Variants in DNAAF4 observed in about 807,000 individuals in gnomAD.
DNAAF4 encodes the protein dynein axonemal assembly factor 4.
In DNAAF4, 43 loss-of-function variants were observed where a neutral mutation model predicts 51.8. The ratio of observed to expected loss-of-function variants is 0.83; its 90% CI spans 0.65 to 1.07. The LOEUF is 1.07. DNAAF4 is among the 50% of genes least tolerant of loss of function. The pLI is 0.00. For missense variants in DNAAF4, 581 were observed against 493.0 expected (o/e 1.18, Z -1.69); for synonymous variants, 194 against 165.6 (o/e 1.17, Z -1.32).
At chr15:55,476,191 G>GAGGT (rs2141540672) in intron 4 of DNAAF4, among the ~76,000 whole-genome samples, 1 of 152,272 alleles carries the variant, frequency 6.6e-6, no homozygotes, top group South Asian at 2.1e-4. Context: ...AGGGCATGGG[G>GAGGT]AGGTGGCTCG....
chr15:55,439,515 T>C lies in DNAAF4; in HGVS notation c.850A>G (p.Lys284Glu), dbSNP rs1189322801. Residue 284 changes from lysine (K) to glutamate (E), a missense_variant, in exon 7 of 10, where the codon AAA becomes GAA. By Grantham distance (56) the Lys-to-Glu change is moderately conservative. Coordinates refer to ENST00000321149, the MANE Select transcript of DNAAF4 (RefSeq NM_130810.4). Reference sequence around the variant, plus strand: ...CATTCTGGGTTCTTTTCTTCTTCTTTTAAATCGCAAAGTTCAGCTATGTCA... The same window carrying C: ...CATTCTGGGTTCTTTTCTTCTTCTTCTAAATCGCAAAGTTCAGCTATGTCA... Reference protein sequence around the residue: ...NTDIAELCDLKEEEKNPEWLK... With the variant: ...NTDIAELCDLEEEEKNPEWLK... 1.9e-6 allele frequency: 3 copies of C among 1,614,042 alleles called. No individual in the cohort carries two copies. The highest frequency in any genetic ancestry group is 1.7e-5 in the Admixed American group (1 of 60,002).
rs777201134 is a variant in DNAAF4 at position 55,435,062 on chromosome 15, A to G, written c.894-4T>C. ...GTTTTCCGTTGCAAACAATTTGCTAATGAGACAAAAACAGAGAAGAAAAAC... is the reference window on the plus strand; with the variant it reads ...GTTTTCCGTTGCAAACAATTTGCTAGTGAGACAAAAACAGAGAAGAAAAAC... On this transcript the variant is annotated splice_polypyrimidine_tract_variant and splice_region_variant and intron_variant, in intron 7 of 9. Transcript: ENST00000321149. 23 of 1,583,488 alleles carry G rather than the reference A, an allele frequency of 1.5e-5. No individual in the cohort carries two copies. The South Asian group carries it at 2.6e-4, about 18-fold the overall frequency.
chr15:55,440,532 C>T (rs1405190116), intron 6 of DNAAF4, among the ~76,000 whole-genome samples: 1 of 151,686 alleles, frequency 6.6e-6, no homozygotes, highest in Non-Finnish European at 1.5e-5. Context: ...GCACCCACCA[C>T]CACACCCAGC....
At chr15:55,486,538 C>G (rs1386153284) in intron 4 of DNAAF4, among the ~76,000 whole-genome samples, 1 of 152,056 alleles carries the variant, frequency 6.6e-6, no homozygotes, top group East Asian at 1.9e-4. Flanking sequence ...CTTTAATTAT[C>G]TGTGTGCTTA....
intron 5 of DNAAF4, among the ~76,000 whole-genome samples, chr15:55,460,187 A>AT (rs112655143): frequency 0.034 from 5,018 of 145,616 alleles, 219 homozygotes; most frequent in African/African-American, 0.091. Context: ...TTATTTATTT[A>AT]TTTTTTTTTT....
intron 4 of DNAAF4, among the ~76,000 whole-genome samples, chr15:55,478,836 A>T (rs1231521283): frequency 6.6e-6 from 1 of 152,146 alleles, no homozygotes; most frequent in Non-Finnish European, 1.5e-5. Context: ...ATGCACACAG[A>T]ACTAAAATTC....
At chr15:55,490,973 A>G in intron 4 of DNAAF4, 150 bp downstream of exon 4, 1 of 859,114 alleles carries the variant, frequency 1.2e-6, no homozygotes, top group South Asian at 2.2e-5. Flanking sequence ...AAAAACACAC[A>G]TATAAATAGC....
intron 4 of DNAAF4, among the ~76,000 whole-genome samples, chr15:55,484,831 A>G (rs2058464898): frequency 6.6e-6 from 1 of 152,150 alleles, no homozygotes; most frequent in South Asian, 2.1e-4. Context: ...CTGGGAGGCT[A>G]GGCCAGTCTC....
chr15:55,420,768 C>G (rs1182479254), intron 7 of DNAAF4, among the ~76,000 whole-genome samples: 1 of 152,132 alleles, frequency 6.6e-6, no homozygotes, highest in Non-Finnish European at 1.5e-5. Flanking sequence ...AACCATTTTC[C>G]CCCTTCACTG....
At position 55,482,752 on chromosome 15, in the gene DNAAF4, T is replaced by C. The variant is rs887894839; in HGVS notation, c.405+8371A>G. ...TACATGAATGGTCATAGTAGTACTA[T>C]TTGTAATAGCCAAAAGGTGAAGAGA... On this transcript the variant is annotated intron_variant, in intron 4 of 9. Transcript: ENST00000321149. 5.3e-5 allele frequency among the ~76,000 whole-genome samples: 8 copies of C among 152,286 alleles called. 1 individual carries two copies. Among genetic ancestry groups the C allele is most frequent in the African/African-American group, 1.9e-4 (8 of 41,570 alleles).
intron 6 of DNAAF4, among the ~76,000 whole-genome samples, chr15:55,444,309 C>T (rs2141436773): frequency 6.6e-6 from 1 of 152,220 alleles, no homozygotes; most frequent in Admixed American, 6.5e-5. Flanking sequence ...GAATCCTTTC[C>T]CCATTTCTTG....
intron 4 of DNAAF4, among the ~76,000 whole-genome samples, chr15:55,490,698 A>G (rs1311173255): frequency 1.3e-5 from 2 of 152,186 alleles, no homozygotes; most frequent in Non-Finnish European, 2.9e-5. Flanking sequence ...TCACGCCTCT[A>G]ATCCCAGCAC....
At chr15:55,483,935 T>C (rs184990770) in intron 4 of DNAAF4, among the ~76,000 whole-genome samples, 7 of 143,852 alleles carry the variant, frequency 4.9e-5, no homozygotes, top group African/African-American at 1.8e-4. Flanking sequence ...ATAAATGTTA[T>C]ACTTACCAAT....
At chr15:55,488,829 C>G (rs2058528669) in intron 4 of DNAAF4, among the ~76,000 whole-genome samples, 1 of 152,168 alleles carries the variant, frequency 6.6e-6, no homozygotes, top group Non-Finnish European at 1.5e-5. Context: ...CAGCTCACAC[C>G]TGTAATCCCA....
At chr15:55,449,281 C>T (rs913016352) in intron 6 of DNAAF4, among the ~76,000 whole-genome samples, 5 of 151,532 alleles carry the variant, frequency 3.3e-5, no homozygotes, top group Non-Finnish European at 5.9e-5. Context: ...TGAGCCACCA[C>T]GCCCGGCTTG....
rs1490835099 is a variant in DNAAF4, at chr15:55,467,027, T to C, written c.540A>G (p.Lys180=). ...TAATTTGCTTTTCTTTTTGACATAA[T>C]TTCTCTTCTCTCTGAATTTTTTTTT... ...EEQKKIQREE[K]LCQKEKQIKE... The change falls in exon 5 of 10, where the codon AAA becomes AAG. Residue 180 remains lysine, a synonymous_variant. Transcript: ENST00000321149. 5 of 1,569,410 alleles carry C rather than the reference T, an allele frequency of 3.2e-6. No individual in the cohort carries two copies. The highest frequency in any genetic ancestry group is 4.7e-5 in the East Asian group (2 of 42,406).
chr15:55,445,069 T>C (rs1042672644), intron 6 of DNAAF4, among the ~76,000 whole-genome samples: 4 of 146,334 alleles, frequency 2.7e-5, no homozygotes, highest in African/African-American at 1.0e-4. Flanking sequence ...TTATTGATCA[T>C]TCTTGGGTGT....
intron 6 of DNAAF4, chr15:55,443,334 G>A (rs988416613): frequency 2.0e-6 from 2 of 978,902 alleles, no homozygotes; most frequent in Admixed American, 5.1e-5. Context: ...GCGTGCGGAG[G>A]CGCCTGGCGC....
At position 55,473,231 on chromosome 15, in the gene DNAAF4, G is replaced by A. The variant is rs55772606; in HGVS notation, c.406-6070C>T. On this transcript the variant is annotated intron_variant, in intron 4 of 9. Coordinates refer to ENST00000321149, the MANE Select transcript of DNAAF4 (RefSeq NM_130810.4). ...TATATATATATATATATGTGTGTGT[G>A]TATATATATATATGTGTGTGTATAT... Among the ~76,000 whole-genome samples, 68 of 98,294 alleles carry A rather than the reference G, an allele frequency of 6.9e-4. 1 individual carries two copies. Among genetic ancestry groups the A allele is most frequent in the Non-Finnish European group, 8.8e-4 (44 of 49,746 alleles). The allele number at this position is 98,294 out of a possible 152,430, so 64.5% of individuals were successfully genotyped here.
Sources: allele counts gnomAD v4.1 joint callset (sites outside exome capture counted in the v4.1 genomes callset), GRCh38; gene constraint gnomAD v4.1.1; transcripts MANE v1.5; gene names NCBI Gene and HGNC (gene_info 2026-07-23, HGNC 2026-07-21).